The following GABBR2 variants were observed in gnomAD, a reference collection of about 807,000 sequenced individuals.
GABBR2 encodes the protein G-protein coupled receptor 51.
In GABBR2, 23 loss-of-function variants were observed where a neutral mutation model predicts 105.6. The observed-to-expected ratio is 0.22, with a 90% CI of 0.16 to 0.31. GABBR2 has a LOEUF of 0.31. Ranked by LOEUF, GABBR2 falls within the 10% of genes least tolerant of loss-of-function variation. The probability of loss-of-function intolerance (pLI) is 1.00; values close to 1 mark genes in which losing one functional copy is unlikely to be tolerated. For missense variants in GABBR2, 734 were observed against 1,245.5 expected (o/e 0.59, Z 6.18); for synonymous variants, 478 against 499.7 (o/e 0.96, Z 0.58).
intron 3 of GABBR2, among the ~76,000 whole-genome samples, chr9:98,537,762 T>C (rs762710436): frequency 3.9e-5 from 6 of 152,162 alleles, no homozygotes; most frequent in Non-Finnish European, 7.3e-5. Flanking sequence ...TAAAAAATAA[T>C]TGAACTGTAC....
At chr9:98,330,453 C>T (rs1339478307) in intron 13 of GABBR2, among the ~76,000 whole-genome samples, 2 of 152,186 alleles carry the variant, frequency 1.3e-5, no homozygotes, top group Admixed American at 1.3e-4. Flanking sequence ...TGCCTGAAGT[C>T]CACTTTACTG....
intron 2 of GABBR2, among the ~76,000 whole-genome samples, chr9:98,549,710 A>G (rs1347843709): frequency 3.3e-5 from 5 of 152,216 alleles, no homozygotes; most frequent in Non-Finnish European, 7.3e-5. Flanking sequence ...AGCCAGGCTA[A>G]ACCTGGATCA....
intron 13 of GABBR2, among the ~76,000 whole-genome samples, chr9:98,336,349 T>G (rs1446691455): frequency 6.6e-6 from 1 of 151,970 alleles, no homozygotes; most frequent in East Asian, 1.9e-4. Context: ...AGGTAAGAAG[T>G]GTGGGTTTTA....
intron 3 of GABBR2, among the ~76,000 whole-genome samples, chr9:98,529,694 G>A (rs1253419939): frequency 6.6e-6 from 1 of 152,194 alleles, no homozygotes; most frequent in Non-Finnish European, 1.5e-5. Context: ...GAAAGTAACT[G>A]TAATCTTATT....
intron 13 of GABBR2, among the ~76,000 whole-genome samples, chr9:98,337,258 T>C (rs1323238590): frequency 5.3e-5 from 8 of 152,106 alleles, no homozygotes; most frequent in Non-Finnish European, 1.5e-5. Flanking sequence ...TGAGCCAAGA[T>C]TGCACCAATG....
chr9:98,686,905 C>T (rs1319527051), intron 1 of GABBR2, among the ~76,000 whole-genome samples: 2 of 152,024 alleles, frequency 1.3e-5, no homozygotes, highest in East Asian at 3.9e-4. Flanking sequence ...CTGCCTCTCC[C>T]CAGCCCTGTA....
At chr9:98,404,065 GA>G (rs34403297) in intron 8 of GABBR2, among the ~76,000 whole-genome samples, 133 of 144,832 alleles carry the variant, frequency 9.2e-4, no homozygotes, top group African/African-American at 2.7e-3. Flanking sequence ...CCTAACGTAT[GA>G]AAAAAAAAAG....
At chr9:98,361,776 T>C (rs1831589780) in intron 13 of GABBR2, among the ~76,000 whole-genome samples, 4 of 152,198 alleles carry the variant, frequency 2.6e-5, no homozygotes, top group African/African-American at 7.2e-5. Flanking sequence ...TCAATCTCTT[T>C]CCTATATGGC....
intron 9 of GABBR2, among the ~76,000 whole-genome samples, chr9:98,391,875 G>A (rs1353180356): frequency 1.3e-5 from 2 of 152,292 alleles, no homozygotes; most frequent in East Asian, 3.9e-4. Flanking sequence ...ATGACAGCAA[G>A]GGCACTTTGG....
chr9:98,454,362 C>A lies in GABBR2; in HGVS notation c.1000-145G>T, dbSNP rs1826288717. 1 of 662,780 alleles carries A rather than the reference C, an allele frequency of 1.5e-6. No homozygotes were observed. Among genetic ancestry groups the A allele is most frequent in the Admixed American group, 2.3e-5 (1 of 43,382 alleles). The allele number at this position is 662,780 out of a possible 1,614,324, so 41.1% of individuals were successfully genotyped here. On this transcript the variant is annotated intron_variant, in intron 6 of 18. Transcript: ENST00000259455. This position sits in a 1 kb window ranked among gnomAD's most constrained non-coding sequence, Gnocchi z 4.6. The stretch of plus-strand genomic sequence containing the variant: ...TCTACGTGCATTATCTCATTTAACC[C>A]TCACAACAACCTCATAAGGTGGGTA...
At chr9:98,620,153 T>C (rs936735013) in intron 1 of GABBR2, among the ~76,000 whole-genome samples, 1 of 152,210 alleles carries the variant, frequency 6.6e-6, no homozygotes, top group African/African-American at 2.4e-5. Flanking sequence ...CTGCTACATT[T>C]TATTTTTTCA....
At chr9:98,425,211 GGAATGAATGGGT>G (rs1212418971) in intron 7 of GABBR2, among the ~76,000 whole-genome samples, 1 of 150,358 alleles carries the variant, frequency 6.7e-6, no homozygotes, top group Non-Finnish European at 1.5e-5. Flanking sequence ...GGGATGAAAA[GGAATGAATGGGT>G]GAATGAATGA....
At chr9:98,520,548 C>T (rs1827847645) in intron 3 of GABBR2, among the ~76,000 whole-genome samples, 1 of 152,198 alleles carries the variant, frequency 6.6e-6, no homozygotes, top group Non-Finnish European at 1.5e-5. Flanking sequence ...ATGGAGGAGC[C>T]TCTGCAACCC....
At chr9:98,336,178 C>A (rs1564022219) in intron 13 of GABBR2, among the ~76,000 whole-genome samples, 1 of 151,952 alleles carries the variant, frequency 6.6e-6, no homozygotes. Context: ...GCGTTCCAGG[C>A]AGAAGAATCA....
At chr9:98,482,413 C>T (rs1826944816) in intron 4 of GABBR2, among the ~76,000 whole-genome samples, 1 of 152,204 alleles carries the variant, frequency 6.6e-6, no homozygotes, top group African/African-American at 2.4e-5. Context: ...AAGCCTTTGT[C>T]ATCACCACGT....
chr9:98,594,775 C>A (rs1416020810), intron 1 of GABBR2, among the ~76,000 whole-genome samples: 2 of 152,200 alleles, frequency 1.3e-5, no homozygotes, highest in Non-Finnish European at 2.9e-5. Flanking sequence ...CCTGGTCCTC[C>A]CTTTGTATAA....
chr9:98,417,969 A>C (rs1279153582), intron 7 of GABBR2, among the ~76,000 whole-genome samples: 3 of 152,000 alleles, frequency 2.0e-5, no homozygotes, highest in Non-Finnish European at 4.4e-5. Flanking sequence ...AGTAGAAAGG[A>C]GGGTGAGGTT....
At chr9:98,337,900 T>C (rs993973980) in intron 13 of GABBR2, among the ~76,000 whole-genome samples, 2 of 152,158 alleles carry the variant, frequency 1.3e-5, no homozygotes, top group Admixed American at 6.5e-5. Context: ...TGGGTGCCTG[T>C]AATCCCAGTT....
chr9:98,418,555 A>AC (rs1468743918), intron 7 of GABBR2, among the ~76,000 whole-genome samples: 1 of 151,906 alleles, frequency 6.6e-6, no homozygotes, highest in Non-Finnish European at 1.5e-5. Flanking sequence ...AACAACAACA[A>AC]AAAAACCCAA....
Sources: allele counts gnomAD v4.1 joint callset (sites outside exome capture counted in the v4.1 genomes callset), GRCh38; gene constraint gnomAD v4.1.1; non-coding constraint Gnocchi (gnomAD v3.1); transcripts MANE v1.5; gene names NCBI Gene and HGNC (gene_info 2026-07-23, HGNC 2026-07-21).